SMAD4: variants seen among roughly 807,000 people sequenced by gnomAD.
The protein encoded by SMAD4 is MAD homolog 4.
Under a neutral mutation model 63.2 loss-of-function variants are expected in SMAD4, and 7 were observed. The ratio of observed to expected loss-of-function variants is 0.11; its 90% CI spans 0.06 to 0.21. SMAD4 has a LOEUF of 0.21. Among genes scored for constraint, SMAD4 ranks in the 10% least tolerant of loss-of-function variants. SMAD4 has a pLI of 1.00. For synonymous variants in SMAD4, 215 were observed against 235.4 expected, an observed-to-expected ratio of 0.91 and a Z score of 0.79; for missense variants, 312 against 693.8, an observed-to-expected ratio of 0.45 and a Z score of 6.18.
rs2144406829 is a variant in SMAD4, at chr18:51,048,982, G to A, written c.424+122G>A. ...GCCCGCGACTTTAAATAAGGTTAAA[G>A]AATCAGACATTTTTAATATACGTAT... is the stretch of plus-strand genomic sequence containing the variant. On this transcript the variant is annotated intron_variant, in intron 3 of 11. Coordinates refer to ENST00000342988, the MANE Select transcript of SMAD4 (RefSeq NM_005359.6). 3 of 846,604 alleles carry A rather than the reference G, an allele frequency of 3.5e-6. No individual in the cohort carries two copies. In the South Asian group the frequency reaches 4.7e-5, roughly 13 times the overall value. The allele number at this position is 846,604 out of a possible 1,614,324, so 52.4% of individuals were successfully genotyped here. A position where few individuals can be genotyped will look rare whatever the true frequency, so the allele number is the denominator to read the frequency against.
intron 5 of SMAD4, among the ~76,000 whole-genome samples, chr18:51,055,893 C>G (rs1172897648): frequency 6.6e-6 from 1 of 151,996 alleles, no homozygotes. Context: ...AGATTAGATT[C>G]AACATAGAAA....
Position 51,058,426 on chromosome 18 carries a change from C to A in SMAD4, c.874C>A (p.Pro292Thr), listed in dbSNP as rs1909904049. ...HHQNGHLQHH[P>T]PMPPHPGHYW... is the part of the protein sequence containing the mutation. The stretch of plus-strand genomic sequence containing the variant: ...CCAAAACGGCCATCTTCAGCACCAC[C>A]CGCCTATGCCGCCCCATCCCGGACA... Residue 292 changes from proline to threonine, a missense_variant, in exon 7 of 12, where the codon CCG becomes ACG. Transcript: ENST00000342988. The A allele has an allele frequency of 1.9e-6, 3 of 1,613,860 alleles. No homozygotes were observed. Among genetic ancestry groups the A allele is most frequent in the Non-Finnish European group, 2.5e-6 (3 of 1,179,854 alleles).
At chr18:51,040,622 C>T (rs1416249098) in intron 1 of SMAD4, among the ~76,000 whole-genome samples, 1 of 152,208 alleles carries the variant, frequency 6.6e-6, no homozygotes, top group Non-Finnish European at 1.5e-5. Context: ...GAGAACCTCT[C>T]TCTGGCCAGT....
chr18:51,051,044 A>G (rs891073233), intron 4 of SMAD4: 2 of 159,222 alleles, frequency 1.3e-5, no homozygotes, highest in African/African-American at 4.8e-5. Context: ...TTTGAAAGTA[A>G]ACACGTTTCA....
At chr18:51,060,434 A>G (rs1189175153) in intron 8 of SMAD4, among the ~76,000 whole-genome samples, 1 of 152,196 alleles carries the variant, frequency 6.6e-6, no homozygotes, top group South Asian at 2.1e-4. Context: ...TAAAACAGAA[A>G]ACACTTGAAA....
chr18:51,059,841 G>A (rs2144432930), intron 7 of SMAD4, 25 bp from the exon 8 acceptor site: 4 of 1,594,032 alleles, frequency 2.5e-6, no homozygotes, highest in Non-Finnish European at 3.4e-6. Context: ...AAATAAAAAT[G>A]GAATTTTTGT....
chr18:51,047,006 A>T lies in SMAD4; in HGVS notation c.-41A>T, dbSNP rs2144399860. ...TCCAAAGGATCAAAATTGCTTCAGA[A>T]ATTGGAGACATATTTGATTTAAAAG... On this transcript the variant is annotated 5_prime_UTR_variant, in exon 2 of 12. Transcript: ENST00000342988. 1 of 1,596,562 alleles carries T rather than the reference A, an allele frequency of 6.3e-7. No individual in the cohort carries two copies. Among genetic ancestry groups the T allele is most frequent in the East Asian group, 2.2e-5 (1 of 44,750 alleles).
chr18:51,043,675 A>C (rs1909455123), intron 1 of SMAD4, among the ~76,000 whole-genome samples: 2 of 152,344 alleles, frequency 1.3e-5, no homozygotes, highest in South Asian at 4.1e-4. Context: ...TTTGTATTCA[A>C]AGCAACTTGG....
rs1376827312 is a variant in SMAD4, at chr18:51,080,891, G to A, written c.*2424G>A. 1.1e-5 allele frequency: 2 copies of A among 184,736 alleles called. No individual in the cohort carries two copies. Among genetic ancestry groups the A allele is most frequent in the East Asian group, 1.8e-4 (2 of 11,354 alleles). 11.4% of individuals were successfully genotyped at this position (184,736 alleles called of 1,614,324 possible). On this transcript the variant is annotated 3_prime_UTR_variant, in exon 12 of 12. Coordinates refer to ENST00000342988, the MANE Select transcript of SMAD4 (RefSeq NM_005359.6). ...GAAAGTTTTCATGTTTAATCATCTG[G>A]GGAAAGTATGTGAAAAATATTTGTT...
rs1364064195 is a variant in SMAD4 at position 51,067,481 on chromosome 18, C to T, written c.1308+294C>T. On this transcript the variant is annotated intron_variant, in intron 10 of 11. Transcript: ENST00000342988. Reference sequence around the variant, plus strand: ...AGGCTGGAATGCAGTGGCGTGATCTCGGCTCACTGCAACCTGCGCCTCCTG... The same window carrying T: ...AGGCTGGAATGCAGTGGCGTGATCTTGGCTCACTGCAACCTGCGCCTCCTG... Among the ~76,000 whole-genome samples, 7 of 152,082 alleles carry T rather than the reference C, an allele frequency of 4.6e-5. 1 individual carries two copies. The highest frequency in any genetic ancestry group is 7.2e-5 in the African/African-American group (3 of 41,494).
At chr18:51,031,602 A>C (rs1206251309) in intron 1 of SMAD4, among the ~76,000 whole-genome samples, 1 of 152,170 alleles carries the variant, frequency 6.6e-6, no homozygotes, top group African/African-American at 2.4e-5. Context: ...CAAACATATA[A>C]TCTTAGCTAA....
At position 51,058,031 on chromosome 18, in the gene SMAD4, G is replaced by T. The variant is rs188634737; in HGVS notation, c.668-94G>T. On this transcript the variant is annotated intron_variant, in intron 5 of 11. Coordinates refer to ENST00000342988, the MANE Select transcript of SMAD4 (RefSeq NM_005359.6). ...ACTTTTTGCCCATCTTTATAGTTGT[G>T]CATTATCAGATAAAATTGGTCCTTC... is the stretch of plus-strand genomic sequence containing the variant. The T allele has an allele frequency of 8.4e-4, 1,209 of 1,433,430 alleles. 1 individual carries two copies. Among genetic ancestry groups the T allele is most frequent in the Admixed American group, 1.1e-3 (62 of 58,198 alleles). The allele number at this position is 1,433,430 out of a possible 1,614,324, so 88.8% of individuals were successfully genotyped here.
chr18:51,037,539 T>C (rs1416817424), intron 1 of SMAD4, among the ~76,000 whole-genome samples: 1 of 152,222 alleles, frequency 6.6e-6, no homozygotes, highest in Non-Finnish European at 1.5e-5. Flanking sequence ...CGGTTTCACT[T>C]AATAATCCCC....
intron 10 of SMAD4, among the ~76,000 whole-genome samples, chr18:51,076,016 A>C (rs574074243): frequency 1.3e-5 from 2 of 152,208 alleles, no homozygotes; most frequent in Non-Finnish European, 2.9e-5. Context: ...AGAGAAACTA[A>C]TGAAGTCCCA....
chr18:51,039,713 A>G (rs1237334951), intron 1 of SMAD4, among the ~76,000 whole-genome samples: 1 of 152,028 alleles, frequency 6.6e-6, no homozygotes, highest in Non-Finnish European at 1.5e-5. Context: ...ACTGATGTCC[A>G]CCTATAGTAC....
chr18:51,032,596 T>G (rs953583741), intron 1 of SMAD4, among the ~76,000 whole-genome samples: 4 of 152,156 alleles, frequency 2.6e-5, no homozygotes, highest in Non-Finnish European at 5.9e-5. Context: ...TCCCCTTCAG[T>G]TTTTCTTTCT....
At chr18:51,050,344 C>T (rs142749444) in intron 4 of SMAD4, among the ~76,000 whole-genome samples, 1,408 of 135,770 alleles carry the variant, frequency 0.01, 28 homozygotes, top group African/African-American at 0.037. Flanking sequence ...GGGCAACGAG[C>T]GAAACTGTCT....
chr18:51,054,643 A>T, intron 4 of SMAD4, 138 bp from the exon 5 acceptor site: 1 of 641,286 alleles, frequency 1.6e-6, no homozygotes, highest in Middle Eastern at 4.2e-4. Flanking sequence ...TTAAAATAAT[A>T]TGAAAAAATT....
Position 51,082,378 on chromosome 18 carries a change from C to G in SMAD4, c.*3911C>G, listed in dbSNP as rs1387304917. On this transcript the variant is annotated 3_prime_UTR_variant, in exon 12 of 12. Coordinates refer to ENST00000342988, the MANE Select transcript of SMAD4 (RefSeq NM_005359.6). ...AACTAAGTAATTTCTTTGAACATAC[C>G]AAGAAGTATGTAAAAAGTCCATGGC... 1.8e-5 allele frequency: 4 copies of G among 227,358 alleles called. No homozygotes were observed. Among genetic ancestry groups the G allele is most frequent in the Non-Finnish European group, 2.6e-5 (3 of 114,692 alleles). 14.1% of individuals were successfully genotyped at this position (227,358 alleles called of 1,614,324 possible).
Sources: allele counts gnomAD v4.1 joint callset (sites outside exome capture counted in the v4.1 genomes callset), GRCh38; gene constraint gnomAD v4.1.1; transcripts MANE v1.5; gene names NCBI Gene and HGNC (gene_info 2026-07-23, HGNC 2026-07-21).